SNX30: variants seen among roughly 807,000 people sequenced by gnomAD.
SNX30 encodes the protein sorting nexin-30.
In SNX30, 24 loss-of-function variants were observed where a neutral mutation model predicts 46.4. The observed-to-expected ratio is 0.52, with a 90% confidence interval of 0.37 to 0.73. The LOEUF is 0.73. Among genes scored for constraint, SNX30 ranks in the 30% least tolerant of loss-of-function variants. SNX30 has a pLI of 0.00. For synonymous variants in SNX30, 189 were observed against 211.5 expected (o/e 0.89, Z 0.92); for missense variants, 533 against 555.7 (o/e 0.96, Z 0.41).
At position 112,751,871 on chromosome 9, in the gene SNX30, G is replaced by GCACAACC. The variant is rs1299870495; in HGVS notation, c.156+716_156+722dup. Among the ~76,000 whole-genome samples, 16 of 152,276 alleles carry GCACAACC rather than the reference G, an allele frequency of 1.1e-4. No individual in the cohort carries two copies. In the East Asian group the frequency reaches 3.1e-3, roughly 29 times the overall value. On this transcript the variant is annotated intron_variant, in intron 1 of 8. Coordinates refer to ENST00000374232, the MANE Select transcript of SNX30 (RefSeq NM_001012994.2). ...GGAGGCTCCAGATTTTCTTAGAGCA[G>GCACAACC]CACAACCCTCCTGCTGCTTGGAGAG...
At chr9:112,816,573 C>T (rs1399991931) in intron 2 of SNX30, among the ~76,000 whole-genome samples, 1 of 152,122 alleles carries the variant, frequency 6.6e-6, no homozygotes, top group Admixed American at 6.6e-5. Context: ...AAGAATGAGT[C>T]CTTGAACTTC....
downstream of SNX30, chr9:112,878,780 C>T (rs995534948): frequency 6.6e-6 from 1 of 152,172 alleles, no homozygotes; most frequent in African/African-American, 2.4e-5. Flanking sequence ...TCATTCCCTG[C>T]AAGAGGATTA....
chr9:112,814,032 A>G (rs1840359995), intron 2 of SNX30, among the ~76,000 whole-genome samples: 1 of 152,202 alleles, frequency 6.6e-6, no homozygotes, highest in Non-Finnish European at 1.5e-5. Flanking sequence ...AAAATCATAG[A>G]GACTATAGGT....
chr9:112,755,795 T>G (rs1394448312), intron 1 of SNX30, among the ~76,000 whole-genome samples: 1 of 152,028 alleles, frequency 6.6e-6, no homozygotes, highest in Non-Finnish European at 1.5e-5. Context: ...TGGCTCTGCT[T>G]TCTTCTGTGT....
At chr9:112,826,336 G>A (rs1253684408) in intron 3 of SNX30, among the ~76,000 whole-genome samples, 1 of 152,126 alleles carries the variant, frequency 6.6e-6, no homozygotes, top group African/African-American at 2.4e-5. Flanking sequence ...CAGAAGGCTG[G>A]GGGTTGAGAA....
intron 7 of SNX30, among the ~76,000 whole-genome samples, chr9:112,858,412 G>A (rs532622631): frequency 6.6e-6 from 1 of 152,252 alleles, no homozygotes; most frequent in African/African-American, 2.4e-5. Flanking sequence ...CTACTCGGGA[G>A]GCTGAGGCAG....
chr9:112,843,482 G>A (rs1391040691), intron 6 of SNX30, among the ~76,000 whole-genome samples: 4 of 152,058 alleles, frequency 2.6e-5, no homozygotes, highest in Non-Finnish European at 4.4e-5. Context: ...TAGGCAGAGG[G>A]GAGCAGCCAG....
chr9:112,821,063 C>T (rs1187331245), intron 3 of SNX30, among the ~76,000 whole-genome samples: 1 of 152,082 alleles, frequency 6.6e-6, no homozygotes, highest in Admixed American at 6.5e-5. Flanking sequence ...ATTGTTGAAT[C>T]ATACATAACT....
intron 4 of SNX30, among the ~76,000 whole-genome samples, chr9:112,832,808 ATATAT>A (rs1454037372): frequency 6.8e-6 from 1 of 146,746 alleles, no homozygotes; most frequent in Non-Finnish European, 1.5e-5. Flanking sequence ...TAGAAAAAAT[ATATAT>A]TATATATTAA....
intron 2 of SNX30, among the ~76,000 whole-genome samples, chr9:112,814,296 A>G (rs1046125821): frequency 6.6e-6 from 1 of 152,132 alleles, no homozygotes; most frequent in Middle Eastern, 3.2e-3. Flanking sequence ...ACTGGAGTGC[A>G]GTGGTGCAGT....
chr9:112,759,196 ATACACTT>A (rs1839401696), intron 1 of SNX30, among the ~76,000 whole-genome samples: 1 of 151,968 alleles, frequency 6.6e-6, no homozygotes, highest in African/African-American at 2.4e-5. Flanking sequence ...CCTCTTTACA[ATACACTT>A]TTCTGAAGAG....
chr9:112,812,928 C>A (rs1420216580), intron 2 of SNX30, among the ~76,000 whole-genome samples: 1 of 152,126 alleles, frequency 6.6e-6, no homozygotes, highest in Non-Finnish European at 1.5e-5. Flanking sequence ...GGGTGGATCA[C>A]TTGAGGTCAG....
At chr9:112,812,519 G>A (rs1382942651) in intron 2 of SNX30, among the ~76,000 whole-genome samples, 4 of 152,266 alleles carry the variant, frequency 2.6e-5, no homozygotes, top group African/African-American at 7.2e-5. Context: ...CTCCCAAAGT[G>A]CTGGGATTAC....
intron 1 of SNX30, among the ~76,000 whole-genome samples, chr9:112,782,843 C>T (rs937384573): frequency 2.6e-5 from 4 of 152,258 alleles, no homozygotes; most frequent in African/African-American, 9.6e-5. Flanking sequence ...CTGCACAATG[C>T]TGTCTGACCA....
chr9:112,851,917 C>T (rs1413985071), intron 7 of SNX30, among the ~76,000 whole-genome samples: 1 of 152,218 alleles, frequency 6.6e-6, no homozygotes, highest in East Asian at 1.9e-4. Flanking sequence ...GGGCTAAATG[C>T]AGACTTTTAA....
chr9:112,753,506 C>T (rs1257875143), intron 1 of SNX30, among the ~76,000 whole-genome samples: 1 of 152,174 alleles, frequency 6.6e-6, no homozygotes, highest in East Asian at 1.9e-4. Context: ...GTCTCAGCTC[C>T]CGTATAGCTG....
At chr9:112,876,788 T>G (rs1188524930), downstream of SNX30, among the ~76,000 whole-genome samples, 3 of 152,196 alleles carry the variant, frequency 2.0e-5, no homozygotes, top group East Asian at 1.9e-4. Context: ...ATACAAAAAT[T>G]AGCCAGACAT....
At chr9:112,826,331 G>A (rs1219341368) in intron 3 of SNX30, among the ~76,000 whole-genome samples, 1 of 152,180 alleles carries the variant, frequency 6.6e-6, no homozygotes. Flanking sequence ...GTTGGCAGAA[G>A]GCTGGGGGTT....
rs1476803120 is a variant in SNX30 at position 112,873,405 on chromosome 9, C to G, written c.*4562C>G. 6.6e-6 allele frequency: 1 copy of G among 152,190 alleles called. No individual in the cohort carries two copies. The highest frequency in any genetic ancestry group is 1.5e-5 in the Non-Finnish European group (1 of 68,036). 9.4% of individuals were successfully genotyped at this position (152,190 alleles called of 1,614,324 possible). ...TCCGTACCTACTAATATGCCTTATT[C>G]TTCTTCACCTAGTGTTTTAAAAGTC... On this transcript the variant is annotated 3_prime_UTR_variant, in exon 9 of 9. Transcript: ENST00000374232.
Sources: allele counts gnomAD v4.1 joint callset (sites outside exome capture counted in the v4.1 genomes callset), GRCh38; gene constraint gnomAD v4.1.1; transcripts MANE v1.5; gene names NCBI Gene and HGNC (gene_info 2026-07-23, HGNC 2026-07-21).